The following KDM2B variants were observed in gnomAD, a reference collection of about 807,000 sequenced individuals.
The protein encoded by KDM2B is lysine demethylase 2B.
Under a neutral mutation model 150.0 loss-of-function variants are expected in KDM2B, and 26 were observed. That is an observed-to-expected ratio of 0.17 (90% CI 0.13 to 0.24). The LOEUF (loss-of-function observed/expected upper bound fraction) is 0.24, where lower values mean the gene tolerates loss of function less well. Ranked by LOEUF, KDM2B falls within the 10% of genes least tolerant of loss-of-function variation. The pLI is 1.00. For synonymous variants in KDM2B, 734 were observed against 729.5 expected (o/e 1.01, Z -0.10); for missense variants, 1,265 against 1,816.9 (o/e 0.70, Z 5.52).
intron 12 of KDM2B, among the ~76,000 whole-genome samples, chr12:121,481,037 C>T (rs1000157297): frequency 5.3e-5 from 8 of 151,598 alleles, no homozygotes; most frequent in Non-Finnish European, 8.8e-5. Flanking sequence ...AAGCGATTCT[C>T]CTGCCTCAGC....
chr12:121,474,654 T>C (rs1219600458), intron 12 of KDM2B, among the ~76,000 whole-genome samples: 2 of 152,064 alleles, frequency 1.3e-5, no homozygotes, highest in African/African-American at 4.8e-5. Context: ...ACCTTTTCTA[T>C]GCTTAGATAC....
chr12:121,463,548 T>G (rs1879405523), intron 12 of KDM2B, among the ~76,000 whole-genome samples: 2 of 152,204 alleles, frequency 1.3e-5, no homozygotes, highest in Non-Finnish European at 2.9e-5. Flanking sequence ...AATTTCCTGA[T>G]TTTTTCAACA....
chr12:121,561,653 AG>A (rs1164390660), intron 4 of KDM2B, among the ~76,000 whole-genome samples: 2 of 152,178 alleles, frequency 1.3e-5, no homozygotes, highest in African/African-American at 2.4e-5. Flanking sequence ...ATCTATGTCC[AG>A]CCCCAAGTTG....
At chr12:121,558,258 C>T (rs1030500987) in intron 4 of KDM2B, among the ~76,000 whole-genome samples, 8 of 151,864 alleles carry the variant, frequency 5.3e-5, no homozygotes, top group East Asian at 3.9e-4. Context: ...ATCTGACACA[C>T]GACTTCACAG....
In KDM2B at chr12:121,494,506, G is replaced by A. The variant is rs560602449; in HGVS notation, c.1734+73C>T. Reference sequence around the variant, plus strand: ...AGGCCCCATAGCTACCCAAAAAGTCGCGGCTGTTCACCCTACAGGAGGTGG... The same window carrying A: ...AGGCCCCATAGCTACCCAAAAAGTCACGGCTGTTCACCCTACAGGAGGTGG... On this transcript the variant is annotated intron_variant, in intron 12 of 22. Transcript: ENST00000377071. The A allele has an allele frequency of 9.9e-5, 115 of 1,162,690 alleles. 1 individual carries two copies. Among genetic ancestry groups the A allele is most frequent in the Admixed American group, 4.4e-4 (22 of 50,416 alleles). The allele number at this position is 1,162,690 out of a possible 1,614,324, so 72.0% of individuals were successfully genotyped here.
chr12:121,441,692 C>A, intron 19 of KDM2B, among the ~76,000 whole-genome samples: 1 of 152,178 alleles, frequency 6.6e-6, no homozygotes, highest in East Asian at 1.9e-4. Context: ...CCGCAAAGCG[C>A]TAGGATTACA....
chr12:121,449,795 A>G, intron 13 of KDM2B, among the ~76,000 whole-genome samples: 1 of 152,222 alleles, frequency 6.6e-6, no homozygotes, highest in East Asian at 1.9e-4. Context: ...AATGCATTTA[A>G]TTTCAGGATG....
chr12:121,575,986 G>A lies in KDM2B; in HGVS notation c.272-127C>T, dbSNP rs1452064133. 12 of 691,778 alleles carry A rather than the reference G, an allele frequency of 1.7e-5. No homozygotes were observed. Among genetic ancestry groups the A allele is most frequent in the Non-Finnish European group, 2.9e-5 (11 of 383,432 alleles). The allele number at this position is 691,778 out of a possible 1,614,324, so 42.9% of individuals were successfully genotyped here. A position where few individuals can be genotyped will look rare whatever the true frequency, so the allele number is the denominator to read the frequency against. On this transcript the variant is annotated intron_variant, in intron 2 of 22. Transcript: ENST00000377071. This position sits in a 1 kb window ranked among gnomAD's most constrained non-coding sequence, Gnocchi z 4.4. Reference sequence around the variant, plus strand: ...GGGGGTCCAGGAGATGCAGGCACCAGCTGTACAGCAAAAGCTCCTTGGAAA... The same window carrying A: ...GGGGGTCCAGGAGATGCAGGCACCAACTGTACAGCAAAAGCTCCTTGGAAA...
At chr12:121,493,442 T>G (rs912479285) in intron 12 of KDM2B, among the ~76,000 whole-genome samples, 2 of 152,136 alleles carry the variant, frequency 1.3e-5, no homozygotes, top group South Asian at 4.1e-4. Flanking sequence ...CTATGTAACT[T>G]GTCCAAGGAA....
intron 4 of KDM2B, among the ~76,000 whole-genome samples, chr12:121,552,252 G>T (rs782189818): frequency 6.6e-6 from 1 of 152,142 alleles, no homozygotes; most frequent in African/African-American, 2.4e-5. Context: ...CAACTAACTC[G>T]CCCAGGAATG....
intron 4 of KDM2B, among the ~76,000 whole-genome samples, chr12:121,559,080 C>T (rs186054901): frequency 2.0e-3 from 309 of 152,310 alleles, no homozygotes; most frequent in South Asian, 5.4e-3. Context: ...CAGCCTGCTC[C>T]GCCCTCTGAT....
the KDM2B span, among the ~76,000 whole-genome samples, chr12:121,413,428 T>C: frequency 0.35 from 52,373 of 148,938 alleles, 11,202 homozygotes; most frequent in Middle Eastern, 0.51. Context: ...TTTTTTTTTT[T>C]TGAGACGGAG....
At chr12:121,417,886 C>T in the KDM2B span, 2 of 1,614,076 alleles carry the variant, frequency 1.2e-6, no homozygotes, top group Non-Finnish European at 1.7e-6. The surrounding 1 kb of genome is among the most constrained non-coding windows in gnomAD (Gnocchi z 5.0). Context: ...GGAGACCAAA[C>T]ATCCAGATCT....
At chr12:121,481,984 T>C (rs1555297984) in intron 12 of KDM2B, among the ~76,000 whole-genome samples, 1 of 152,126 alleles carries the variant, frequency 6.6e-6, no homozygotes, top group Non-Finnish European at 1.5e-5. Context: ...TTTCATCATG[T>C]TGGCCAGGCT....
chr12:121,498,716 T>C (rs987026794), intron 11 of KDM2B, among the ~76,000 whole-genome samples: 3 of 152,192 alleles, frequency 2.0e-5, no homozygotes, highest in African/African-American at 2.4e-5. Flanking sequence ...CTCACAAGCA[T>C]TGAGGTAGAG....
At chr12:121,432,232 AG>A (rs781854139) in intron 22 of KDM2B, among the ~76,000 whole-genome samples, 3 of 152,120 alleles carry the variant, frequency 2.0e-5, no homozygotes, top group Non-Finnish European at 4.4e-5. Flanking sequence ...TAATCCCTCA[AG>A]TAGTTCCCCC....
At chr12:121,504,572 T>C (rs573875522) in intron 11 of KDM2B, among the ~76,000 whole-genome samples, 13 of 152,086 alleles carry the variant, frequency 8.5e-5, no homozygotes, top group African/African-American at 1.4e-4. Flanking sequence ...ATGAAATATC[T>C]AGAATAAGTA....
chr12:121,517,908 G>C (rs957065769), intron 9 of KDM2B, among the ~76,000 whole-genome samples: 2 of 150,716 alleles, frequency 1.3e-5, no homozygotes, highest in Admixed American at 6.6e-5. Flanking sequence ...TTTTTGAGGG[G>C]GGGGATGGAG....
intron 11 of KDM2B, among the ~76,000 whole-genome samples, chr12:121,497,826 G>A (rs1196467999): frequency 1.3e-5 from 2 of 151,894 alleles, no homozygotes; most frequent in African/African-American, 2.4e-5. Context: ...GGCCAGTTGC[G>A]GTGGCTCACG....
Sources: allele counts gnomAD v4.1 joint callset (sites outside exome capture counted in the v4.1 genomes callset), GRCh38; gene constraint gnomAD v4.1.1; non-coding constraint Gnocchi (gnomAD v3.1); transcripts MANE v1.5; gene names NCBI Gene and HGNC (gene_info 2026-07-23, HGNC 2026-07-21).